FHOD3: variants seen among roughly 807,000 people sequenced by gnomAD.
FHOD3 encodes formin homology 2 domain containing 3, also known as FH1/FH2 domain-containing protein 3.
A neutral mutation model predicts 173.0 loss-of-function variants in FHOD3; 90 were observed. That is an observed-to-expected ratio of 0.52 (90% CI 0.44 to 0.62). The LOEUF (loss-of-function observed/expected upper bound fraction) is 0.62. FHOD3 is among the 20% of genes least tolerant of loss of function. The probability of loss-of-function intolerance (pLI) is 0.00; values close to 1 mark genes in which losing one functional copy is unlikely to be tolerated. For synonymous variants in FHOD3, 828 were observed against 823.0 expected, an observed-to-expected ratio of 1.01 and a Z score of -0.10; for missense variants, 1,945 against 2,034.7, an observed-to-expected ratio of 0.96 and a Z score of 0.85.
intron 1 of FHOD3, among the ~76,000 whole-genome samples, chr18:36,333,911 C>A (rs767513429): frequency 6.6e-6 from 1 of 152,196 alleles, no homozygotes; most frequent in Non-Finnish European, 1.5e-5. Flanking sequence ...TTTTAACCCC[C>A]AGTGCTTTAT....
chr18:36,542,150 A>G (rs181628042), intron 5 of FHOD3, among the ~76,000 whole-genome samples: 1 of 152,334 alleles, frequency 6.6e-6, no homozygotes, highest in African/African-American at 2.4e-5. Context: ...TGTGTTCCTT[A>G]CAGCTCTTTG....
intron 3 of FHOD3, among the ~76,000 whole-genome samples, chr18:36,469,483 T>C (rs2053150355): frequency 6.6e-6 from 1 of 152,204 alleles, no homozygotes; most frequent in Non-Finnish European, 1.5e-5. Flanking sequence ...TACAGCAGGC[T>C]GGCTGGGCTC....
At chr18:36,329,221 A>C (rs942920457) in intron 1 of FHOD3, among the ~76,000 whole-genome samples, 1 of 151,932 alleles carries the variant, frequency 6.6e-6, no homozygotes, top group Non-Finnish European at 1.5e-5. Context: ...CCCCACTGAA[A>C]CCTCTGGTAT....
intron 19 of FHOD3, among the ~76,000 whole-genome samples, chr18:36,728,967 A>G (rs1257853778): frequency 6.6e-6 from 1 of 152,162 alleles, no homozygotes; most frequent in Non-Finnish European, 1.5e-5. Flanking sequence ...CATCCCTGAC[A>G]GTTTTTAACA....
intron 5 of FHOD3, among the ~76,000 whole-genome samples, chr18:36,539,339 G>A (rs182590381): frequency 2.4e-4 from 37 of 152,344 alleles, no homozygotes; most frequent in Admixed American, 1.9e-3. Flanking sequence ...AGGGCATGCT[G>A]TGACTTTAAC....
intron 1 of FHOD3, among the ~76,000 whole-genome samples, chr18:36,327,777 T>C (rs145843211): frequency 6.6e-6 from 1 of 152,372 alleles, no homozygotes; most frequent in African/African-American, 2.4e-5. Context: ...AAATACTTTC[T>C]ACAAAGGGCC....
intron 3 of FHOD3, among the ~76,000 whole-genome samples, chr18:36,450,487 A>AATTTT (rs1555710147): frequency 6.7e-6 from 1 of 149,740 alleles, no homozygotes; most frequent in African/African-American, 2.5e-5. Context: ...TTATTTATTT[A>AATTTT]ATTTTTAAAG....
chr18:36,421,325 A>G (rs963637415), intron 3 of FHOD3, among the ~76,000 whole-genome samples: 5 of 152,216 alleles, frequency 3.3e-5, no homozygotes, highest in Non-Finnish European at 7.3e-5. Context: ...TTTACCAAAT[A>G]TTCATTCAAG....
chr18:36,451,645 C>G (rs1337798488), intron 3 of FHOD3, among the ~76,000 whole-genome samples: 1 of 152,164 alleles, frequency 6.6e-6, no homozygotes, highest in Non-Finnish European at 1.5e-5. Flanking sequence ...GTTCTGCATA[C>G]CCGCAGTATT....
chr18:36,380,581 TC>T (rs2047718018), intron 3 of FHOD3, among the ~76,000 whole-genome samples: 161 of 85,098 alleles, frequency 1.9e-3, no homozygotes, highest in Non-Finnish European at 2.8e-3. Context: ...TCTTTTCTTT[TC>T]CTTTCCTTTC....
At chr18:36,355,390 C>T (rs2046313046) in intron 1 of FHOD3, 149 bp from the exon 2 acceptor site, 2 of 629,782 alleles carry the variant, frequency 3.2e-6, no homozygotes, top group Middle Eastern at 2.8e-4. Flanking sequence ...GATCTATTTG[C>T]ACTAACATAC....
chr18:36,577,913 C>T (rs2058713883), intron 6 of FHOD3, among the ~76,000 whole-genome samples: 1 of 152,110 alleles, frequency 6.6e-6, no homozygotes, highest in Non-Finnish European at 1.5e-5. Context: ...GACCTGACTG[C>T]AGGGGGATTT....
At chr18:36,760,156 G>A (rs1349178055) in intron 26 of FHOD3, among the ~76,000 whole-genome samples, 3 of 152,262 alleles carry the variant, frequency 2.0e-5, no homozygotes, top group Admixed American at 6.5e-5. Flanking sequence ...TTCTACCATC[G>A]TAAGTGATAC....
chr18:36,380,111 T>C (rs2047662586), intron 3 of FHOD3, among the ~76,000 whole-genome samples: 1 of 152,184 alleles, frequency 6.6e-6, no homozygotes, highest in Non-Finnish European at 1.5e-5. Context: ...GCGAAACTGC[T>C]ACCAGTTCAA....
intron 3 of FHOD3, among the ~76,000 whole-genome samples, chr18:36,395,006 A>T (rs34181969): frequency 0.14 from 21,372 of 152,112 alleles, 1,938 homozygotes; most frequent in Middle Eastern, 0.33. Context: ...TTGTTTCTCT[A>T]CCCCTACATG....
chr18:36,593,567 A>G (rs549606236), intron 6 of FHOD3, among the ~76,000 whole-genome samples: 2 of 152,140 alleles, frequency 1.3e-5, no homozygotes, highest in Non-Finnish European at 2.9e-5. Flanking sequence ...AATTCTACCC[A>G]TGTCCCCTAA....
At position 36,718,411 on chromosome 18, in the gene FHOD3, C is replaced by T. The variant is rs567922320; in HGVS notation, c.3113C>T (p.Pro1038Leu). The change falls in exon 19 of 29, where the codon CCG becomes CTG. Residue 1038 changes from proline (P) to leucine (L), a missense_variant. Around this residue, in one of 5 missense-constraint regions of FHOD3, gnomAD observed 1,099 missense variants for 1,051.2 expected, o/e 1.05. Coordinates refer to ENST00000590592, the MANE Select transcript of FHOD3 (RefSeq NM_001281740.3). ...CTGGGTTTGCCGCCCCCACCCCCTC[C>T]GCCCCTGTTGGACAGCATTCCTCCC... ...TFLGLPPPPP[P>L]PLLDSIPPPP... 7.1e-5 allele frequency: 113 copies of T among 1,581,834 alleles called. No individual in the cohort carries two copies. Among genetic ancestry groups the T allele is most frequent in the South Asian group, 2.2e-4 (20 of 89,044 alleles).
At chr18:36,487,859 A>T (rs909469776) in intron 3 of FHOD3, among the ~76,000 whole-genome samples, 8 of 151,510 alleles carry the variant, frequency 5.3e-5, no homozygotes, top group Non-Finnish European at 5.9e-5. Context: ...ATACAGAGGA[A>T]AGTGTCAGGA....
chr18:36,350,909 A>G (rs1377168636), intron 1 of FHOD3, among the ~76,000 whole-genome samples: 1 of 152,242 alleles, frequency 6.6e-6, no homozygotes, highest in Non-Finnish European at 1.5e-5. Context: ...TATTAAAATA[A>G]TAACTAAACA....
Sources: allele counts gnomAD v4.1 joint callset (sites outside exome capture counted in the v4.1 genomes callset), GRCh38; gene constraint gnomAD v4.1.1; regional missense constraint gnomAD v4.1.1; transcripts MANE v1.5; gene names NCBI Gene and HGNC (gene_info 2026-07-23, HGNC 2026-07-21).